PHLPP2: variants seen among roughly 807,000 people sequenced by gnomAD.
The protein encoded by PHLPP2 is PH domain leucine-rich repeat-containing protein phosphatase 2.
In PHLPP2, 66 loss-of-function variants were observed where a neutral mutation model predicts 124.9. The ratio of observed to expected loss-of-function variants is 0.53; its 90% CI spans 0.43 to 0.65. The LOEUF is 0.65. PHLPP2 is among the 30% of genes least tolerant of loss of function. The pLI is 0.00. For synonymous variants in PHLPP2, 681 were observed against 624.7 expected, an observed-to-expected ratio of 1.09 and a Z score of -1.34; for missense variants, 1,685 against 1,600.4, an observed-to-expected ratio of 1.05 and a Z score of -0.90.
chr16:71,698,130 A>AAG (rs2045192840), intron 3 of PHLPP2, among the ~76,000 whole-genome samples: 1 of 152,070 alleles, frequency 6.6e-6, no homozygotes, highest in South Asian at 2.1e-4. Context: ...TACAGGTGTG[A>AAG]GCCACCGCGC....
chr16:71,699,180 A>C (rs1463134721), intron 3 of PHLPP2, among the ~76,000 whole-genome samples: 1 of 152,214 alleles, frequency 6.6e-6, no homozygotes, highest in Non-Finnish European at 1.5e-5. Flanking sequence ...CAGGAGGCAG[A>C]GAAATTCTAG....
chr16:71,714,959 TAATAACTCA>T (rs1334529287), intron 1 of PHLPP2, 158 bp from the exon 2 acceptor site: 36 of 869,398 alleles, frequency 4.1e-5, no homozygotes, highest in Admixed American at 2.1e-4. Context: ...TGCTCATTCG[TAATAACTCA>T]GATAACTTAA....
At position 71,713,912 on chromosome 16, in the gene PHLPP2, T is replaced by C. The variant is rs192077310; in HGVS notation, c.284+600A>G. 2.8e-5 allele frequency among the ~76,000 whole-genome samples: 4 copies of C among 140,484 alleles called. No individual in the cohort carries two copies. In the East Asian group the frequency reaches 7.8e-4, roughly 27 times the overall value. The allele number at this position is 140,484 out of a possible 152,430, so 92.2% of individuals were successfully genotyped here. ...TACCCTTTTTAAAAATTTCATTCTA[T>C]TTACACTTTTCAAAAAAAAAACAAC... is the stretch of plus-strand genomic sequence containing the variant. On this transcript the variant is annotated intron_variant, in intron 2 of 18. Transcript: ENST00000568954.
At chr16:71,722,023 G>A (rs1018513376) in intron 1 of PHLPP2, among the ~76,000 whole-genome samples, 9 of 152,194 alleles carry the variant, frequency 5.9e-5, no homozygotes, top group Non-Finnish European at 7.3e-5. Flanking sequence ...TGAAGTTTTG[G>A]AAGGGTCTTC....
intron 8 of PHLPP2, 66 bp downstream of exon 8, chr16:71,678,689 T>C (rs1455582873): frequency 1.2e-6 from 1 of 866,248 alleles, no homozygotes; most frequent in African/African-American, 1.7e-5. Context: ...CAAATCTTCA[T>C]AAACAGAAGA....
chr16:71,697,219 A>AAAT (rs1567625246), intron 3 of PHLPP2, among the ~76,000 whole-genome samples: 46 of 139,122 alleles, frequency 3.3e-4, no homozygotes, highest in Admixed American at 5.6e-4. Context: ...AATAAATAAA[A>AAAT]AGAAACTCAG....
chr16:71,664,730 A>T (rs2044823568), intron 12 of PHLPP2, among the ~76,000 whole-genome samples: 1 of 151,760 alleles, frequency 6.6e-6, no homozygotes, highest in South Asian at 2.1e-4. Flanking sequence ...CCAGCCTGGC[A>T]ACAGAGTGAG....
chr16:71,707,625 C>G (rs1311769998), intron 2 of PHLPP2, among the ~76,000 whole-genome samples: 1 of 152,066 alleles, frequency 6.6e-6, no homozygotes, highest in Non-Finnish European at 1.5e-5. Flanking sequence ...GTGGAGTTTC[C>G]CAGCTGATGA....
chr16:71,666,193 T>C (rs2145321027), intron 12 of PHLPP2: 1 of 152,116 alleles, frequency 6.6e-6, no homozygotes, highest in East Asian at 1.9e-4. Flanking sequence ...CCATTCCGTA[T>C]TAAAAAAAAA....
intron 8 of PHLPP2, 88 bp downstream of exon 8, chr16:71,678,667 T>G: frequency 1.3e-6 from 1 of 775,164 alleles, no homozygotes; most frequent in Non-Finnish European, 2.2e-6. Flanking sequence ...TTAAAAACCC[T>G]AATGTTTTAA....
Position 71,714,659 on chromosome 16 carries a change from G to C in PHLPP2, c.137C>G (p.Thr46Ser), listed in dbSNP as rs777366729. The C allele has an allele frequency of 1.9e-6, 3 of 1,613,482 alleles. No individual in the cohort carries two copies. Among genetic ancestry groups the C allele is most frequent in the South Asian group, 2.2e-5 (2 of 91,028 alleles). The change falls in exon 2 of 19, where the codon ACC (threonine) becomes AGC (serine). Residue 46 changes from threonine to serine, a missense_variant. Coordinates refer to ENST00000568954, the MANE Select transcript of PHLPP2 (RefSeq NM_015020.3). ...YGADTTTATT[T>S]TTTSSSSSSS... The stretch of plus-strand genomic sequence containing the variant: ...GGAAGAGGAAGAGGAGGTGGTGGTG[G>C]TTGTAGTGGCAGTGGTAGTGTCTGC...
intron 4 of PHLPP2, among the ~76,000 whole-genome samples, chr16:71,685,065 C>T (rs2045041167): frequency 6.6e-6 from 1 of 152,182 alleles, no homozygotes; most frequent in Non-Finnish European, 1.5e-5. Flanking sequence ...TGGTGGCTCA[C>T]GCCTGTAATC....
At position 71,648,422 on chromosome 16, in the gene PHLPP2, T is replaced by A. The variant is rs2044668319; in HGVS notation, c.*468A>T. On this transcript the variant is annotated 3_prime_UTR_variant, in exon 19 of 19. Transcript: ENST00000568954. ...CAGTTTATCCAGAGCCAGCCCCTGA[T>A]GGCTCTCACACTTTTTGGCTCCGAG... 6.0e-6 allele frequency: 1 copy of A among 168,032 alleles called. No homozygotes were observed. The highest frequency in any genetic ancestry group is 2.4e-5 in the African/African-American group (1 of 41,724). The allele number at this position is 168,032 out of a possible 1,614,324, so 10.4% of individuals were successfully genotyped here.
intron 8 of PHLPP2, chr16:71,676,861 G>C: frequency 2.0e-6 from 1 of 506,794 alleles, no homozygotes; most frequent in Non-Finnish European, 3.6e-6. Context: ...CGATTCTCCT[G>C]CTTCAGCCTC....
rs751061799 is a variant in PHLPP2, at chr16:71,664,050, C to T, written c.1834G>A (p.Ala612Thr). The T allele has an allele frequency of 2.1e-5, 34 of 1,613,808 alleles. No individual in the cohort carries two copies. The highest frequency in any genetic ancestry group is 3.3e-5 in the South Asian group (3 of 91,068). The change falls in exon 13 of 19, where the codon GCC becomes ACC. Residue 612 changes from alanine (A) to threonine (T), a missense_variant. Ala to Thr is a moderately conservative substitution (Grantham distance 58, BLOSUM62 0). Transcript: ENST00000568954. ...CTCAAACTCTCCTCTCCAGTGCAGG[C>T]GGATGGTAAAGACTCCAGACTATTT... ...SANSLESLPS[A>T]CTGEESLSML...
In PHLPP2 at chr16:71,677,588, G is replaced by A. The variant is rs182768510; in HGVS notation, c.1269-939C>T. On this transcript the variant is annotated intron_variant, in intron 8 of 18. Transcript: ENST00000568954. The stretch of plus-strand genomic sequence containing the variant: ...TATGCAGGTCTATTCTCACTTTCCT[G>A]TATTTCTATAAATCTCTCTCTTAAG... The A allele has an allele frequency of 3.9e-3, 569 of 147,148 alleles. 8 individuals carry two copies. Among genetic ancestry groups the A allele is most frequent in the African/African-American group, 0.013 (532 of 39,678 alleles). The allele number at this position is 147,148 out of a possible 1,614,324, so 9.1% of individuals were successfully genotyped here. A position where few individuals can be genotyped will look rare whatever the true frequency, so the allele number is the denominator to read the frequency against.
chr16:71,694,075 TCTCAGCTACTCGGGAGGCTGA>T (rs1474767313), intron 3 of PHLPP2, among the ~76,000 whole-genome samples: 10 of 152,022 alleles, frequency 6.6e-5, no homozygotes, highest in African/African-American at 2.4e-4. Flanking sequence ...GCACCTGTAA[TCTCAGCTACTCGGGAGGCTGA>T]GGCAGGAGAA....
intron 4 of PHLPP2, among the ~76,000 whole-genome samples, chr16:71,684,953 T>G (rs976776205): frequency 2.0e-5 from 3 of 152,146 alleles, no homozygotes; most frequent in African/African-American, 7.2e-5. Flanking sequence ...ATCTCTTTAC[T>G]AGGCTTGAGA....
rs143195708 is a variant in PHLPP2 at position 71,716,188 on chromosome 16, C to G, written c.-6-1387G>C. On this transcript the variant is annotated intron_variant, in intron 1 of 18. Coordinates refer to ENST00000568954, the MANE Select transcript of PHLPP2 (RefSeq NM_015020.3). ...TATTCCCTTATACAAATACACCAAA[C>G]TTTATCCACTCTCCTGTTGACAGCA... Among the ~76,000 whole-genome samples the G allele has an allele frequency of 1.3e-3, 197 of 152,280 alleles. 1 individual carries two copies. Among genetic ancestry groups the G allele is most frequent in the African/African-American group, 4.4e-3 (183 of 41,566 alleles).
Sources: allele counts gnomAD v4.1 joint callset (sites outside exome capture counted in the v4.1 genomes callset), GRCh38; gene constraint gnomAD v4.1.1; transcripts MANE v1.5; gene names NCBI Gene and HGNC (gene_info 2026-07-23, HGNC 2026-07-21).